The following CACNG5 variants were observed in gnomAD, a reference collection of about 807,000 sequenced individuals.
The protein encoded by CACNG5 is calcium voltage-gated channel auxiliary subunit gamma 5.
Under a neutral mutation model 24.8 loss-of-function variants are expected in CACNG5, and 18 were observed. The ratio of observed to expected loss-of-function variants is 0.73; its 90% CI spans 0.50 to 1.08. CACNG5 has a LOEUF of 1.08. Among genes scored for constraint, CACNG5 ranks in the 50% least tolerant of loss-of-function variants. CACNG5 has a pLI of 0.00. For synonymous variants in CACNG5, 157 were observed against 149.1 expected, an observed-to-expected ratio of 1.05 and a Z score of -0.39; for missense variants, 349 against 367.9, an observed-to-expected ratio of 0.95 and a Z score of 0.42.
At position 66,890,226 on chromosome 17, in the gene CACNG5, A is replaced by G. The variant is rs377527787; in HGVS notation, c.*4986A>G. On this transcript the variant is annotated 3_prime_UTR_variant, in exon 6 of 6. Transcript: ENST00000533854. ...TAGCACTGTGAGTGTGGGTTCATCC[A>G]TGGTAGCAGTGGCTGCTCCAGTGTG... Among the ~76,000 whole-genome samples the G allele has an allele frequency of 9.2e-5, 14 of 152,202 alleles. No individual in the cohort carries two copies. The highest frequency in any genetic ancestry group is 3.1e-4 in the African/African-American group (13 of 41,570).
intron 1 of CACNG5, among the ~76,000 whole-genome samples, chr17:66,852,354 T>A (rs182506838): frequency 6.6e-6 from 1 of 152,270 alleles, no homozygotes; most frequent in East Asian, 1.9e-4. Flanking sequence ...GTCTCCATAA[T>A]CATGTGAGCC....
In CACNG5 at chr17:66,890,660, C is replaced by T. The variant is rs1977330442; in HGVS notation, c.*5420C>T. Among the ~76,000 whole-genome samples the T allele has an allele frequency of 6.6e-6, 1 of 152,224 alleles. No homozygotes were observed. Among genetic ancestry groups the T allele is most frequent in the Non-Finnish European group, 1.5e-5 (1 of 68,038 alleles). On this transcript the variant is annotated 3_prime_UTR_variant, in exon 6 of 6. Coordinates refer to ENST00000533854, the MANE Select transcript of CACNG5 (RefSeq NM_145811.3). Reference sequence around the variant, plus strand: ...TTGCATGCGTGGGCTCTCTGTCCTGCTGGTTCAGAGGCCTGAGTTCTCATC... The same window carrying T: ...TTGCATGCGTGGGCTCTCTGTCCTGTTGGTTCAGAGGCCTGAGTTCTCATC...
chr17:66,881,525 G>C (rs74812201), intron 4 of CACNG5, among the ~76,000 whole-genome samples: 2 of 152,160 alleles, frequency 1.3e-5, no homozygotes, highest in Admixed American at 1.3e-4. Context: ...ACTGATGCCA[G>C]GTTGTACTTC....
intron 1 of CACNG5, among the ~76,000 whole-genome samples, chr17:66,848,070 C>T (rs780808639): frequency 2.6e-5 from 4 of 152,218 alleles, no homozygotes; most frequent in Non-Finnish European, 5.9e-5. Flanking sequence ...CTTTCTCACC[C>T]TTCATGTCGG....
Position 66,836,846 on chromosome 17 carries a change from C to G in CACNG5, c.-104+1596C>G, listed in dbSNP as rs144519315. Among the ~76,000 whole-genome samples the G allele has an allele frequency of 2.1e-3, 315 of 152,380 alleles. 1 individual carries two copies. Among genetic ancestry groups the G allele is most frequent in the African/African-American group, 7.5e-3 (310 of 41,594 alleles). On this transcript the variant is annotated intron_variant, in intron 1 of 5. Coordinates refer to ENST00000533854, the MANE Select transcript of CACNG5 (RefSeq NM_145811.3). ...CCCAGCATCCTGGCTGGCTGCACCC[C>G]AGGCCCCACAAGCCAACAGCACACT...
chr17:66,892,451 G>A lies in CACNG5; in HGVS notation c.*7211G>A, dbSNP rs1598069530. Among the ~76,000 whole-genome samples, 3 of 152,356 alleles carry A rather than the reference G, an allele frequency of 2.0e-5. No homozygotes were observed. Among genetic ancestry groups the A allele is most frequent in the Admixed American group, 6.5e-5 (1 of 15,306 alleles). On this transcript the variant is annotated 3_prime_UTR_variant, in exon 6 of 6. Coordinates refer to ENST00000533854, the MANE Select transcript of CACNG5 (RefSeq NM_145811.3). ...GCAGGGATGATAAATCCTTAGAAAT[G>A]ATCTCATAGTCTCGGGCTCTGACTA...
intron 1 of CACNG5, among the ~76,000 whole-genome samples, chr17:66,868,132 C>G (rs1255664660): frequency 6.6e-6 from 1 of 152,234 alleles, no homozygotes; most frequent in African/African-American, 2.4e-5. Flanking sequence ...TCAGCTCTCT[C>G]TCCAGCTGGA....
intron 1 of CACNG5, among the ~76,000 whole-genome samples, chr17:66,871,004 T>A (rs1278260130): frequency 2.6e-5 from 4 of 151,144 alleles, no homozygotes; most frequent in Non-Finnish European, 4.4e-5. Context: ...TCACATAGCA[T>A]CACTTCTGTG....
chr17:66,859,876 C>T (rs944468779), intron 1 of CACNG5, among the ~76,000 whole-genome samples: 4 of 152,058 alleles, frequency 2.6e-5, no homozygotes, highest in Non-Finnish European at 4.4e-5. Context: ...CCCTCTCCTT[C>T]CTCCCTTCTT....
intron 4 of CACNG5, among the ~76,000 whole-genome samples, chr17:66,883,689 G>T (rs558695294): frequency 7.0e-4 from 106 of 152,284 alleles, no homozygotes; most frequent in African/African-American, 2.5e-3. Context: ...ACACCTTGTG[G>T]TCAGGTGTGT....
At chr17:66,867,044 T>C (rs2143088256) in intron 1 of CACNG5, among the ~76,000 whole-genome samples, 1 of 152,340 alleles carries the variant, frequency 6.6e-6, no homozygotes, top group Middle Eastern at 3.4e-3. Flanking sequence ...GGAATATCCA[T>C]ACTGTCTTCC....
intron 1 of CACNG5, among the ~76,000 whole-genome samples, chr17:66,839,130 T>A (rs1320798719): frequency 6.6e-6 from 1 of 151,726 alleles, no homozygotes; most frequent in Non-Finnish European, 1.5e-5. Flanking sequence ...CCCAGCTAAT[T>A]TTTATATTTT....
rs142071811 is a variant in CACNG5 at position 66,864,586 on chromosome 17, A to G, written c.-103-12644A>G. Among the ~76,000 whole-genome samples, 311 of 152,356 alleles carry G rather than the reference A, an allele frequency of 2.0e-3. 2 individuals carry two copies. The highest frequency in any genetic ancestry group is 7.4e-3 in the African/African-American group (306 of 41,590). On this transcript the variant is annotated intron_variant, in intron 1 of 5. Coordinates refer to ENST00000533854, the MANE Select transcript of CACNG5 (RefSeq NM_145811.3). ...TTCAGCAAGAAGCTTGGTCCATGCT[A>G]CATAAGCTAGTTCATTATCACCAGA...
chr17:66,844,310 A>G (rs781519633), intron 1 of CACNG5, among the ~76,000 whole-genome samples: 7 of 152,160 alleles, frequency 4.6e-5, no homozygotes, highest in Non-Finnish European at 1.0e-4. Context: ...TGACATATGC[A>G]CTGTGCAGTG....
At chr17:66,865,427 G>C (rs1976915710) in intron 1 of CACNG5, among the ~76,000 whole-genome samples, 1 of 151,980 alleles carries the variant, frequency 6.6e-6, no homozygotes, top group African/African-American at 2.4e-5. Context: ...CAATAGTATA[G>C]AGCTCTCAGT....
At chr17:66,864,200 T>A (rs992542514) in intron 1 of CACNG5, among the ~76,000 whole-genome samples, 1 of 152,236 alleles carries the variant, frequency 6.6e-6, no homozygotes. Context: ...GATTTGAAGA[T>A]GAGTTTCAGT....
chr17:66,872,399 GT>G (rs1693487436), intron 1 of CACNG5, among the ~76,000 whole-genome samples: 1 of 152,154 alleles, frequency 6.6e-6, no homozygotes. Context: ...TCAGACTAGG[GT>G]GTCTTCAAGG....
chr17:66,849,478 G>T (rs1407177031), intron 1 of CACNG5, among the ~76,000 whole-genome samples: 1 of 152,182 alleles, frequency 6.6e-6, no homozygotes, highest in East Asian at 1.9e-4. Flanking sequence ...CCTCACTCAG[G>T]GTGCCCAACC....
chr17:66,866,255 G>A (rs914394579), intron 1 of CACNG5, among the ~76,000 whole-genome samples: 1 of 152,058 alleles, frequency 6.6e-6, no homozygotes, highest in Admixed American at 6.5e-5. Context: ...CCCCACTATG[G>A]ATGGTATGTG....
Sources: allele counts gnomAD v4.1 joint callset (sites outside exome capture counted in the v4.1 genomes callset), GRCh38; gene constraint gnomAD v4.1.1; transcripts MANE v1.5; gene names NCBI Gene and HGNC (gene_info 2026-07-23, HGNC 2026-07-21).